Variants in ISOC1 observed in about 807,000 individuals in gnomAD.
ISOC1 encodes the protein isochorismatase domain-containing protein 1.
In ISOC1, 33 loss-of-function variants were observed where a neutral mutation model predicts 30.0. The ratio of observed to expected loss-of-function variants is 1.10; its 90% CI spans 0.83 to 1.47. The LOEUF (loss-of-function observed/expected upper bound fraction) is 1.47, where lower values mean the gene tolerates loss of function less well. Among genes scored for constraint, ISOC1 ranks in the 40% most tolerant of loss-of-function variants. The probability of loss-of-function intolerance (pLI) is 0.00; values close to 1 mark genes in which losing one functional copy is unlikely to be tolerated. For synonymous variants in ISOC1, 178 were observed against 159.8 expected, an observed-to-expected ratio of 1.11 and a Z score of -0.86; for missense variants, 372 against 388.0, an observed-to-expected ratio of 0.96 and a Z score of 0.35.
At position 129,112,889 on chromosome 5, in the gene ISOC1, G is replaced by A. The variant is rs766202769; in HGVS notation, c.785G>A (p.Ser262Asn). Residue 262 changes from serine to asparagine, a missense_variant, in exon 5 of 5, where the codon AGT becomes AAT. Physicochemically the swap from Ser to Asn is conservative, Grantham distance 46 (BLOSUM62 1). Coordinates refer to ENST00000173527, the MANE Select transcript of ISOC1 (RefSeq NM_016048.2). ...CGAACCGGGATCATAGTGACCACGA[G>A]TGAGGCTGTTCTGCTTCAGCTGGTA... ...LARTGIIVTT[S>N]EAVLLQLVAD... 8 of 1,613,802 alleles carry A rather than the reference G, an allele frequency of 5.0e-6. No individual in the cohort carries two copies. The highest frequency in any genetic ancestry group is 6.8e-6 in the Non-Finnish European group (8 of 1,179,806).
At chr5:129,098,047 G>T (rs1561420977) in intron 1 of ISOC1, among the ~76,000 whole-genome samples, 1 of 152,012 alleles carries the variant, frequency 6.6e-6, no homozygotes, top group African/African-American at 2.4e-5. Context: ...TCCACACTTG[G>T]GCCCTGGAGC....
intron 4 of ISOC1, 61 bp downstream of exon 4, chr5:129,107,123 C>T: frequency 7.6e-7 from 1 of 1,308,108 alleles, no homozygotes; most frequent in Non-Finnish European, 1.1e-6. Flanking sequence ...GAGAAGAATA[C>T]TGGATATTTA....
chr5:129,107,991 ATC>A (rs955267833), intron 4 of ISOC1, among the ~76,000 whole-genome samples: 8 of 151,284 alleles, frequency 5.3e-5, no homozygotes, highest in African/African-American at 1.2e-4. Flanking sequence ...TTGTCGTTTG[ATC>A]TCTCTCTCTC....
In ISOC1 at chr5:129,102,780, C is replaced by T. The variant is rs73235844; in HGVS notation, c.310-2176C>T. On this transcript the variant is annotated intron_variant, in intron 1 of 4. Coordinates refer to ENST00000173527, the MANE Select transcript of ISOC1 (RefSeq NM_016048.2). ...CTCTGTCAGCCATCATTTCTTGCTGCTATCAGTTTGCCTGCCTCCAGCAGT... is the reference window on the plus strand; with the variant it reads ...CTCTGTCAGCCATCATTTCTTGCTGTTATCAGTTTGCCTGCCTCCAGCAGT... 4.3e-3 allele frequency among the ~76,000 whole-genome samples: 657 copies of T among 152,274 alleles called. 9 individuals carry two copies. Among genetic ancestry groups the T allele is most frequent in the African/African-American group, 0.015 (632 of 41,560 alleles).
In ISOC1 at chr5:129,107,086, A is replaced by G. The variant is rs372002516; in HGVS notation, c.750+24A>G. On this transcript the variant is annotated intron_variant, in intron 4 of 4. Coordinates refer to ENST00000173527, the MANE Select transcript of ISOC1 (RefSeq NM_016048.2). ...AGGTAATTGTCCTGCTTGGGAATAGATCATTTGTCAAGTTTTCCAAATAAA... is the reference window on the plus strand; with the variant it reads ...AGGTAATTGTCCTGCTTGGGAATAGGTCATTTGTCAAGTTTTCCAAATAAA... The G allele has an allele frequency of 2.6e-6, 4 of 1,548,650 alleles. No homozygotes were observed. In the African/African-American group the frequency reaches 5.4e-5, roughly 21 times the overall value.
chr5:129,099,830 T>C (rs1260731659), intron 1 of ISOC1, among the ~76,000 whole-genome samples: 1 of 152,248 alleles, frequency 6.6e-6, no homozygotes, highest in African/African-American at 2.4e-5. Flanking sequence ...GCCCATTTAA[T>C]CCTTGAAATA....
At chr5:129,096,971 C>T (rs911762412) in intron 1 of ISOC1, among the ~76,000 whole-genome samples, 15 of 152,182 alleles carry the variant, frequency 9.9e-5, no homozygotes, top group Middle Eastern at 3.4e-3. Context: ...TACCTGAAAA[C>T]GCTTGTACAT....
chr5:129,112,603 A>G (rs967527918), intron 4 of ISOC1, among the ~76,000 whole-genome samples: 4 of 152,014 alleles, frequency 2.6e-5, no homozygotes, highest in Non-Finnish European at 4.4e-5. Flanking sequence ...GGGCACATAT[A>G]TGTCATAACT....
intron 1 of ISOC1, among the ~76,000 whole-genome samples, chr5:129,095,336 C>A (rs762457845): frequency 6.6e-6 from 1 of 152,228 alleles, no homozygotes; most frequent in Non-Finnish European, 1.5e-5. Flanking sequence ...CCGCGAACGC[C>A]CCCACGTGTG....
In ISOC1 at chr5:129,101,161, CAAAAAAAAAAAAAAAA is replaced by C. The variant is rs1156603818; in HGVS notation, c.310-3778_310-3763del. On this transcript the variant is annotated intron_variant, in intron 1 of 4. Coordinates refer to ENST00000173527, the MANE Select transcript of ISOC1 (RefSeq NM_016048.2). The stretch of plus-strand genomic sequence containing the variant: ...AGCTGGGCCACCAAGCTCAGCTAAT[CAAAAAAAAAAAAAAAA>C]AAAAAAAAAAAAAAAATATATATAT... Among the ~76,000 whole-genome samples the C allele has an allele frequency of 8.2e-4, 16 of 19,500 alleles. 1 individual carries two copies. The highest frequency in any genetic ancestry group is 3.3e-3 in the Admixed American group (3 of 906). 12.8% of individuals were successfully genotyped at this position (19,500 alleles called of 152,430 possible).
rs968129334 is a variant in ISOC1, at chr5:129,113,790, A to G, written c.*789A>G. On this transcript the variant is annotated 3_prime_UTR_variant, in exon 5 of 5. Coordinates refer to ENST00000173527, the MANE Select transcript of ISOC1 (RefSeq NM_016048.2). ...GTCCACAAGATTTAGCAAAAAGATA[A>G]AGCTTGGGTGGAATATCATTTTAAA... is the stretch of plus-strand genomic sequence containing the variant. 6 of 152,188 alleles carry G rather than the reference A, an allele frequency of 3.9e-5. No homozygotes were observed. The highest frequency in any genetic ancestry group is 1.2e-4 in the African/African-American group (5 of 41,456). The allele number at this position is 152,188 out of a possible 1,614,324, so 9.4% of individuals were successfully genotyped here.
intron 4 of ISOC1, among the ~76,000 whole-genome samples, chr5:129,111,102 TTTTTGAATGG>T (rs1753701279): frequency 3.3e-5 from 5 of 152,048 alleles, no homozygotes; most frequent in Admixed American, 3.3e-4. Flanking sequence ...TCTTTTCATA[TTTTTGAATGG>T]TTTTGATATG....
Position 129,112,963 on chromosome 5 carries a change from G to T in ISOC1, c.859G>T (p.Ala287Ser). The T allele has an allele frequency of 6.2e-7, 1 of 1,613,652 alleles. No homozygotes were observed. Among genetic ancestry groups the T allele is most frequent in the Non-Finnish European group, 8.5e-7 (1 of 1,179,738 alleles). ...KFKEIQNLIK[A>S]SAPESGLLSK... is the part of the protein sequence containing the mutation. ...CAAGGAAATTCAGAATCTAATTAAGGCGAGTGCTCCAGAGTCGGGTCTGCT... is the reference window on the plus strand; with the variant it reads ...CAAGGAAATTCAGAATCTAATTAAGTCGAGTGCTCCAGAGTCGGGTCTGCT... The change falls in exon 5 of 5, where the codon GCG becomes TCG. Residue 287 changes from alanine to serine, a missense_variant. Ala to Ser is a moderately conservative substitution (Grantham distance 99). Transcript: ENST00000173527.
At chr5:129,099,171 T>C (rs1404426348) in intron 1 of ISOC1, among the ~76,000 whole-genome samples, 1 of 152,196 alleles carries the variant, frequency 6.6e-6, no homozygotes, top group African/African-American at 2.4e-5. Context: ...ATAAATAAAC[T>C]GTGTTTGAGA....
intron 1 of ISOC1, among the ~76,000 whole-genome samples, chr5:129,099,016 GA>G (rs200733316): frequency 0.045 from 6,900 of 152,162 alleles, 527 homozygotes; most frequent in African/African-American, 0.16. Flanking sequence ...AATGCTCAGA[GA>G]GGAGACAGCT....
chr5:129,102,122 T>C (rs987632157), intron 1 of ISOC1, among the ~76,000 whole-genome samples: 7 of 152,188 alleles, frequency 4.6e-5, no homozygotes, highest in Non-Finnish European at 1.0e-4. Context: ...ACTCTCCTCA[T>C]AAGAAGCAGA....
intron 3 of ISOC1, among the ~76,000 whole-genome samples, chr5:129,105,639 C>T (rs564036966): frequency 1.8e-3 from 273 of 152,016 alleles, no homozygotes; most frequent in Middle Eastern, 3.4e-3. Context: ...ACTAAAATAC[C>T]GAGATGTTGT....
At position 129,105,173 on chromosome 5, in the gene ISOC1, A is replaced by G. The variant is rs751953784; in HGVS notation, c.430-12A>G. ...TAGCTAATTGTTTTTGTGTTTGGTTATTTTTTTTCAGTTGCAAGGGGCCCG... is the reference window on the plus strand; with the variant it reads ...TAGCTAATTGTTTTTGTGTTTGGTTGTTTTTTTTCAGTTGCAAGGGGCCCG... On this transcript the variant is annotated splice_polypyrimidine_tract_variant and intron_variant, in intron 2 of 4. Transcript: ENST00000173527. The G allele has an allele frequency of 5.6e-6, 9 of 1,612,108 alleles. 1 individual carries two copies. The South Asian group carries it at 7.7e-5, about 14-fold the overall frequency.
Position 129,104,991 on chromosome 5 carries a change from T to G in ISOC1, c.345T>G (p.Thr115=). 1 of 1,613,744 alleles carries G rather than the reference T, an allele frequency of 6.2e-7. No individual in the cohort carries two copies. Among genetic ancestry groups the G allele is most frequent in the Non-Finnish European group, 8.5e-7 (1 of 1,179,734 alleles). Residue 115 remains threonine, a synonymous_variant, in exon 2 of 5, where the codon ACT becomes ACG. Coordinates refer to ENST00000173527, the MANE Select transcript of ISOC1 (RefSeq NM_016048.2). ...TTLGNLTPSS[T]VFFCCDMQER... is the part of the protein sequence containing the mutation. ...TGGGAAATCTTACACCTTCAAGCAC[T>G]GTGTTTTTCTGCTGTGATATGCAGG...
Sources: allele counts gnomAD v4.1 joint callset (sites outside exome capture counted in the v4.1 genomes callset), GRCh38; gene constraint gnomAD v4.1.1; transcripts MANE v1.5; gene names NCBI Gene and HGNC (gene_info 2026-07-23, HGNC 2026-07-21).